Variants in PARVB observed in about 807,000 individuals in gnomAD.
PARVB encodes beta-parvin.
PARVB carries 46 observed loss-of-function variants against 47.0 expected under a neutral mutation model. The ratio of observed to expected loss-of-function variants is 0.98; its 90% CI spans 0.77 to 1.25. PARVB has a LOEUF of 1.25. Among genes scored for constraint, PARVB ranks in the 50% most tolerant of loss-of-function variants. The pLI, the probability that PARVB is intolerant of heterozygous loss-of-function variation, is 0.00. For synonymous variants in PARVB, 196 were observed against 196.3 expected (o/e 1.00, Z 0.01); for missense variants, 473 against 471.6 (o/e 1.00, Z -0.03).
chr22:44,087,569 C>T (rs1047353606), intron 1 of PARVB, among the ~76,000 whole-genome samples: 1 of 152,140 alleles, frequency 6.6e-6, no homozygotes, highest in Non-Finnish European at 1.5e-5. Flanking sequence ...GTTAAGGTAA[C>T]CTTGTTCTTT....
At chr22:44,006,800 C>T (rs887024729) in intron 2 of PARVB, among the ~76,000 whole-genome samples, 2 of 152,182 alleles carry the variant, frequency 1.3e-5, no homozygotes, top group African/African-American at 4.8e-5. Context: ...TAACTCAGCT[C>T]CCACCTGCCA....
At chr22:44,152,712 T>C (rs2053837457) in intron 10 of PARVB, 1 of 152,136 alleles carries the variant, frequency 6.6e-6, no homozygotes, top group African/African-American at 2.4e-5. Flanking sequence ...TTAAATTATA[T>C]TTTTGGGCAC....
intron 1 of PARVB, among the ~76,000 whole-genome samples, chr22:44,036,186 G>A (rs1474520252): frequency 6.6e-6 from 1 of 152,162 alleles, no homozygotes; most frequent in East Asian, 1.9e-4. Flanking sequence ...GAACCCAGGA[G>A]GCAGACATTG....
Position 44,126,187 on chromosome 22 carries a change from A to C in PARVB, c.377-5300A>C, listed in dbSNP as rs536986420. ...ACCGTGGGACTGCACGGCTTCACCC[A>C]AAGAGGGTGTTCCAAATTTTATTTG... On this transcript the variant is annotated intron_variant, in intron 4 of 12. Coordinates refer to ENST00000338758, the MANE Select transcript of PARVB (RefSeq NM_013327.5). 1.9e-3 allele frequency among the ~76,000 whole-genome samples: 286 copies of C among 152,312 alleles called. 2 individuals carry two copies. The highest frequency in any genetic ancestry group is 6.7e-3 in the African/African-American group (277 of 41,554).
rs2053170349 is a variant in PARVB at position 44,125,632 on chromosome 22, G to A, written c.377-5855G>A. Among the ~76,000 whole-genome samples the A allele has an allele frequency of 6.6e-6, 1 of 152,180 alleles. No individual in the cohort carries two copies. Among genetic ancestry groups the A allele is most frequent in the African/African-American group, 2.4e-5 (1 of 41,438 alleles). ...AGCAGTGAAAAGAAGCGGAGGCGGG[G>A]CCCAGGTGGCAGAGAGGGAGGGAGA... On this transcript the variant is annotated intron_variant, in intron 4 of 12. Coordinates refer to ENST00000338758, the MANE Select transcript of PARVB (RefSeq NM_013327.5). The surrounding 1 kb of genome is among the most constrained non-coding windows in gnomAD (Gnocchi z 4.1).
At chr22:44,126,677 C>T (rs1315462238) in intron 4 of PARVB, among the ~76,000 whole-genome samples, 1 of 152,178 alleles carries the variant, frequency 6.6e-6, no homozygotes. Context: ...GAAGCAGTCC[C>T]CCCAATTGGT....
chr22:44,099,335 T>C (rs999320749), intron 2 of PARVB, among the ~76,000 whole-genome samples: 21 of 152,182 alleles, frequency 1.4e-4, no homozygotes, highest in African/African-American at 5.1e-4. Context: ...GGAGCACGCC[T>C]AGCCTTGGTG....
chr22:44,088,725 G>A (rs2052091622), intron 1 of PARVB, among the ~76,000 whole-genome samples: 2 of 152,128 alleles, frequency 1.3e-5, no homozygotes, highest in South Asian at 4.2e-4. Context: ...GCCCACCTTG[G>A]CCTCCCAGAG....
chr22:44,074,769 A>G (rs1333373202), intron 1 of PARVB, among the ~76,000 whole-genome samples: 1 of 152,158 alleles, frequency 6.6e-6, no homozygotes, highest in Non-Finnish European at 1.5e-5. Context: ...CGTGGGGGGC[A>G]GTTAGAGCGT....
At chr22:44,005,970 A>C (rs149531643) in intron 2 of PARVB, among the ~76,000 whole-genome samples, 25 of 152,306 alleles carry the variant, frequency 1.6e-4, no homozygotes, top group African/African-American at 6.0e-4. Context: ...TCAAAACGCC[A>C]AGACTCATAA....
chr22:44,018,261 GTT>G (rs1326525644), intron 2 of PARVB, among the ~76,000 whole-genome samples: 38 of 152,128 alleles, frequency 2.5e-4, no homozygotes, highest in Non-Finnish European at 4.3e-4. Context: ...AATTAGCTGG[GTT>G]TGGTGGTGGG....
chr22:44,057,924 G>A (rs1468555467), intron 1 of PARVB, among the ~76,000 whole-genome samples: 1 of 152,084 alleles, frequency 6.6e-6, no homozygotes, highest in Non-Finnish European at 1.5e-5. Flanking sequence ...CTCTTTGAGA[G>A]GGGTGGGGCT....
At chr22:44,063,056 C>T (rs1473034923) in intron 1 of PARVB, among the ~76,000 whole-genome samples, 1 of 152,038 alleles carries the variant, frequency 6.6e-6, no homozygotes, top group African/African-American at 2.4e-5. Context: ...TAGAATAAAA[C>T]ATCCTTTTAT....
In PARVB at chr22:44,120,541, G is replaced by A. The variant is rs149785108; in HGVS notation, c.376+1401G>A. Among the ~76,000 whole-genome samples, 292 of 152,248 alleles carry A rather than the reference G, an allele frequency of 1.9e-3. 2 individuals carry two copies. The highest frequency in any genetic ancestry group is 6.7e-3 in the African/African-American group (278 of 41,562). ...GCCTGCTTGTCCTCCTGGGGGCATC[G>A]TATCAGGAGGAGCACACAATGTCAG... On this transcript the variant is annotated intron_variant, in intron 4 of 12. Transcript: ENST00000338758.
At chr22:44,092,302 G>A (rs530491042) in intron 1 of PARVB, among the ~76,000 whole-genome samples, 4 of 152,262 alleles carry the variant, frequency 2.6e-5, no homozygotes, top group African/African-American at 9.6e-5. Flanking sequence ...GTAGAGACAA[G>A]GTTCCACCAT....
chr22:44,046,203 T>G (rs1242074931), intron 1 of PARVB, among the ~76,000 whole-genome samples: 2 of 152,360 alleles, frequency 1.3e-5, no homozygotes, highest in East Asian at 3.9e-4. Context: ...TCCTTGCCAG[T>G]GGTCGCTGAG....
chr22:44,084,551 G>A (rs1296086996), intron 1 of PARVB, among the ~76,000 whole-genome samples: 1 of 152,212 alleles, frequency 6.6e-6, no homozygotes, highest in Non-Finnish European at 1.5e-5. Flanking sequence ...AGCCTGCCAA[G>A]GGTACTCCCA....
chr22:44,118,529 C>T (rs1174266631), intron 3 of PARVB, among the ~76,000 whole-genome samples: 1 of 152,196 alleles, frequency 6.6e-6, no homozygotes, highest in Non-Finnish European at 1.5e-5. Flanking sequence ...TGGGTTGAGA[C>T]TTAGGGTGAC....
At chr22:44,166,648 G>A (rs1052816700) in intron 12 of PARVB, among the ~76,000 whole-genome samples, 1 of 152,232 alleles carries the variant, frequency 6.6e-6, no homozygotes, top group Non-Finnish European at 1.5e-5. Context: ...TCCCTTGGGT[G>A]TCCCAGGGCC....
Sources: allele counts gnomAD v4.1 joint callset (sites outside exome capture counted in the v4.1 genomes callset), GRCh38; gene constraint gnomAD v4.1.1; non-coding constraint Gnocchi (gnomAD v3.1); transcripts MANE v1.5; gene names NCBI Gene and HGNC (gene_info 2026-07-23, HGNC 2026-07-21).